UBR1: variants seen among roughly 807,000 people sequenced by gnomAD.
The protein encoded by UBR1 is ubiquitin protein ligase E3 component n-recognin 1, also known as E3 ubiquitin-protein ligase UBR1.
In UBR1, 102 loss-of-function variants were observed where a neutral mutation model predicts 242.1. That is an observed-to-expected ratio of 0.42 (90% CI 0.36 to 0.50). The LOEUF is 0.50. UBR1 is among the 20% of genes least tolerant of loss of function. UBR1 has a pLI of 0.01. For synonymous variants in UBR1, 675 were observed against 684.8 expected (o/e 0.99, Z 0.22); for missense variants, 1,772 against 2,101.8 (o/e 0.84, Z 3.07).
At chr15:43,089,835 T>C (rs931508155) in intron 1 of UBR1, among the ~76,000 whole-genome samples, 1 of 152,092 alleles carries the variant, frequency 6.6e-6, no homozygotes, top group African/African-American at 2.4e-5. Context: ...ATACAATAAC[T>C]GCAAAGTACT....
intron 39 of UBR1, among the ~76,000 whole-genome samples, chr15:42,973,255 CCT>C (rs1220482635): frequency 6.6e-6 from 1 of 152,150 alleles, no homozygotes; most frequent in East Asian, 1.9e-4. Context: ...GCCTTAGCCT[CCT>C]ATAGTGTTGG....
intron 1 of UBR1, among the ~76,000 whole-genome samples, chr15:43,093,880 A>C (rs1469534375): frequency 1.3e-5 from 2 of 152,150 alleles, no homozygotes; most frequent in Non-Finnish European, 2.9e-5. Flanking sequence ...TACTGAAATA[A>C]ACCAATATAA....
intron 1 of UBR1, among the ~76,000 whole-genome samples, chr15:43,087,486 T>C (rs2141362068): frequency 6.6e-6 from 1 of 152,302 alleles, no homozygotes; most frequent in South Asian, 2.1e-4. Context: ...GTTACAGATA[T>C]TTGATTACAT....
At chr15:43,025,565 G>A (rs548494232) in intron 23 of UBR1, 136 bp from the exon 24 acceptor site, 1 of 667,848 alleles carries the variant, frequency 1.5e-6, no homozygotes, top group Non-Finnish European at 2.6e-6. Flanking sequence ...ATGCCTCTTT[G>A]TCCTAGAAAT....
intron 20 of UBR1, among the ~76,000 whole-genome samples, chr15:43,031,307 A>T (rs2033254478): frequency 6.6e-6 from 1 of 152,210 alleles, no homozygotes; most frequent in African/African-American, 2.4e-5. Context: ...GTAAAATAAC[A>T]GTAGGAAAAA....
intron 14 of UBR1, among the ~76,000 whole-genome samples, chr15:43,044,876 C>CA (rs1244406939): frequency 2.6e-5 from 4 of 151,904 alleles, no homozygotes; most frequent in African/African-American, 9.7e-5. Flanking sequence ...GCCTGGGTGA[C>CA]AGAGCGAGAC....
At chr15:42,966,451 C>T (rs145784520) in intron 40 of UBR1, among the ~76,000 whole-genome samples, 165 bp from the exon 41 acceptor site, 32 of 152,278 alleles carry the variant, frequency 2.1e-4, no homozygotes, top group South Asian at 1.2e-3. Context: ...CTCTGGGAGG[C>T]CAAGGCAGGT....
intron 5 of UBR1, among the ~76,000 whole-genome samples, chr15:43,069,417 C>T (rs954029619): frequency 4.6e-5 from 7 of 152,028 alleles, no homozygotes; most frequent in East Asian, 1.9e-4. Flanking sequence ...GCTGGGACCA[C>T]GGGGGCCCGC....
chr15:43,005,795 C>T (rs1283948530), intron 30 of UBR1, among the ~76,000 whole-genome samples: 1 of 151,158 alleles, frequency 6.6e-6, no homozygotes, highest in Non-Finnish European at 1.5e-5. Context: ...TACCCCCAAC[C>T]CCGTGCTCTC....
chr15:42,954,788 C>A (rs2031891784), intron 44 of UBR1, among the ~76,000 whole-genome samples: 1 of 152,090 alleles, frequency 6.6e-6, no homozygotes, highest in East Asian at 1.9e-4. Context: ...AGGCTGGTCT[C>A]AAACTCTTGG....
In UBR1 at chr15:43,074,982, T is replaced by C; in HGVS notation, c.525A>G (p.Lys175=). The C allele has an allele frequency of 6.2e-7, 1 of 1,611,592 alleles. No individual in the cohort carries two copies. Among genetic ancestry groups the C allele is most frequent in the South Asian group, 1.1e-5 (1 of 91,028 alleles). ...NHEPGRAGTI[K]ENSRCPLNEE... is the part of the protein sequence containing the mutation. ...TTTAACAAAATAGCATTCTTACCTCTTTTATAGTACCTGCTCTTCCAGGTT... is the reference window on the plus strand; with the variant it reads ...TTTAACAAAATAGCATTCTTACCTCCTTTATAGTACCTGCTCTTCCAGGTT... Residue 175 remains lysine (K), a synonymous_variant, in exon 4 of 47, where the codon AAA becomes AAG. Coordinates refer to ENST00000290650, the MANE Select transcript of UBR1 (RefSeq NM_174916.3).
chr15:42,987,543 G>A (rs990853296), intron 35 of UBR1, among the ~76,000 whole-genome samples: 4 of 151,730 alleles, frequency 2.6e-5, no homozygotes, highest in Admixed American at 6.6e-5. Flanking sequence ...GTGAAACCCC[G>A]TCTCTACTAA....
intron 26 of UBR1, among the ~76,000 whole-genome samples, chr15:43,021,987 A>G (rs1480563472): frequency 6.6e-6 from 1 of 152,118 alleles, no homozygotes; most frequent in Non-Finnish European, 1.5e-5. Flanking sequence ...GCTACCCTAA[A>G]TATCTGTCTC....
At chr15:42,959,316 T>C (rs1340057632) in intron 43 of UBR1, among the ~76,000 whole-genome samples, 1 of 152,156 alleles carries the variant, frequency 6.6e-6, no homozygotes, top group East Asian at 1.9e-4. Context: ...CTCAGGCTCC[T>C]GAGTAGCTGG....
intron 46 of UBR1, among the ~76,000 whole-genome samples, 171 bp downstream of exon 46, chr15:42,950,091 G>A (rs1162521481): frequency 1.3e-5 from 2 of 151,896 alleles, no homozygotes; most frequent in Non-Finnish European, 2.9e-5. Context: ...TGCCTGCTTC[G>A]GCCTCCCAAA....
chr15:43,012,454 G>A (rs989303279), intron 29 of UBR1, among the ~76,000 whole-genome samples: 2 of 152,154 alleles, frequency 1.3e-5, no homozygotes, highest in African/African-American at 4.8e-5. Context: ...TGTGGAGAAA[G>A]ATCAGTAATG....
chr15:43,002,739 C>G, intron 31 of UBR1, 35 bp from the exon 32 acceptor site: 1 of 1,613,876 alleles, frequency 6.2e-7, no homozygotes, highest in Non-Finnish European at 8.5e-7. Context: ...CCATTCAGAA[C>G]TACACATGCA....
At chr15:42,949,422 A>C (rs913040048) in intron 46 of UBR1, among the ~76,000 whole-genome samples, 11 of 142,702 alleles carry the variant, frequency 7.7e-5, no homozygotes, top group African/African-American at 2.4e-4. Context: ...TAAAACTTAA[A>C]GTATAATAAT....
chr15:43,007,123 G>T lies in UBR1; in HGVS notation c.3371C>A (p.Thr1124Asn). ...MVLSACVQKS[T>N]ALTQHRGKPI... The stretch of plus-strand genomic sequence containing the variant: ...TTTTCCCCTGTGCTGGGTTAAGGCA[G>T]TAGATTTCTGGACACAGGCCGATAA... Residue 1124 changes from threonine (T) to asparagine (N), a missense_variant, in exon 30 of 47, where the codon ACT becomes AAT. Thr to Asn is a moderately conservative substitution (Grantham distance 65). This residue lies in a region of UBR1 where 965 missense variants were observed against 1,079.7 expected (regional missense o/e 0.89). Coordinates refer to ENST00000290650, the MANE Select transcript of UBR1 (RefSeq NM_174916.3). 1 of 1,614,126 alleles carries T rather than the reference G, an allele frequency of 6.2e-7. No individual in the cohort carries two copies. Among genetic ancestry groups the T allele is most frequent in the African/African-American group, 1.3e-5 (1 of 75,038 alleles).
Sources: allele counts gnomAD v4.1 joint callset (sites outside exome capture counted in the v4.1 genomes callset), GRCh38; gene constraint gnomAD v4.1.1; regional missense constraint gnomAD v4.1.1; transcripts MANE v1.5; gene names NCBI Gene and HGNC (gene_info 2026-07-23, HGNC 2026-07-21).